The following CNTN5 variants were observed in gnomAD, a reference collection of about 807,000 sequenced individuals.
CNTN5 encodes the protein contactin-5.
CNTN5 carries 77 observed loss-of-function variants against 129.1 expected under a neutral mutation model. That is an observed-to-expected ratio of 0.60 (90% CI 0.50 to 0.72). CNTN5 has a LOEUF of 0.72. Among genes scored for constraint, CNTN5 ranks in the 30% least tolerant of loss-of-function variants. The pLI is 0.00. For missense variants in CNTN5, 1,478 were observed against 1,328.8 expected, an observed-to-expected ratio of 1.11 and a Z score of -1.75; for synonymous variants, 509 against 465.6, an observed-to-expected ratio of 1.09 and a Z score of -1.20.
chr11:100,248,496 G>A (rs1949895349), intron 16 of CNTN5, among the ~76,000 whole-genome samples: 1 of 151,900 alleles, frequency 6.6e-6, no homozygotes, highest in Non-Finnish European at 1.5e-5. Flanking sequence ...GAGTGAGCTA[G>A]GATCATGCCA....
At chr11:99,814,876 G>A (rs1000288535) in intron 3 of CNTN5, among the ~76,000 whole-genome samples, 4 of 152,106 alleles carry the variant, frequency 2.6e-5, no homozygotes, top group Non-Finnish European at 4.4e-5. Context: ...TGTGGCTAGC[G>A]TGGCCTCAGG....
intron 2 of CNTN5, among the ~76,000 whole-genome samples, chr11:99,467,818 A>G (rs984276785): frequency 6.6e-6 from 1 of 152,024 alleles, no homozygotes; most frequent in Non-Finnish European, 1.5e-5. Flanking sequence ...TTTTTATTTA[A>G]CTATATTAAT....
intron 3 of CNTN5, among the ~76,000 whole-genome samples, chr11:99,661,795 G>A (rs1839692656): frequency 6.6e-6 from 1 of 152,040 alleles, no homozygotes; most frequent in African/African-American, 2.4e-5. Context: ...GGAACACATA[G>A]GTTTCAGAGG....
rs368397159 is a variant in CNTN5, at chr11:99,882,909, A to G, written c.578-33145A>G. Among the ~76,000 whole-genome samples the G allele has an allele frequency of 3.2e-4, 48 of 151,910 alleles. 1 individual carries two copies. Among genetic ancestry groups the G allele is most frequent in the African/African-American group, 1.1e-3 (45 of 41,434 alleles). ...TCTGGTAACCATCTTTGTACTCTCTATCTTCATGATTTCAATTGTTTTGAG... is the reference window on the plus strand; with the variant it reads ...TCTGGTAACCATCTTTGTACTCTCTGTCTTCATGATTTCAATTGTTTTGAG... On this transcript the variant is annotated intron_variant, in intron 6 of 24. Coordinates refer to ENST00000524871, the MANE Select transcript of CNTN5 (RefSeq NM_014361.4).
At chr11:99,060,500 TTAAC>T (rs1864830119) in intron 1 of CNTN5, among the ~76,000 whole-genome samples, 1 of 152,076 alleles carries the variant, frequency 6.6e-6, no homozygotes, top group African/African-American at 2.4e-5. Flanking sequence ...TCATTAATAA[TTAAC>T]TAGCTTATTA....
intron 16 of CNTN5, among the ~76,000 whole-genome samples, chr11:100,248,003 A>T (rs1337266703): frequency 6.6e-6 from 1 of 152,022 alleles, no homozygotes; most frequent in African/African-American, 2.4e-5. Context: ...TGGTATTAGG[A>T]TGTGTTTAGG....
At chr11:100,340,764 G>T in intron 22 of CNTN5, 115 bp downstream of exon 22, 1 of 946,396 alleles carries the variant, frequency 1.1e-6, no homozygotes, top group Non-Finnish European at 1.5e-6. Flanking sequence ...TTGATTCATA[G>T]TCTTGCTTCA....
intron 15 of CNTN5, among the ~76,000 whole-genome samples, chr11:100,197,291 C>G (rs984693067): frequency 6.6e-6 from 1 of 151,884 alleles, no homozygotes; most frequent in Admixed American, 6.6e-5. Flanking sequence ...GCACTGATTT[C>G]GGAGCTATAA....
In CNTN5 at chr11:100,019,145, T is replaced by C. The variant is rs1045394029; in HGVS notation, c.980+17009T>C. 2.0e-5 allele frequency among the ~76,000 whole-genome samples: 3 copies of C among 151,940 alleles called. 1 individual carries two copies. In the South Asian group the frequency reaches 6.2e-4, roughly 31 times the overall value. ...TGTCTCAAAAGGTACAAGTTTTAAA[T>C]TTTGATGAAGTCCAAATTTTCAATT... On this transcript the variant is annotated intron_variant, in intron 9 of 24. Coordinates refer to ENST00000524871, the MANE Select transcript of CNTN5 (RefSeq NM_014361.4).
chr11:99,246,813 G>A (rs954671025), intron 1 of CNTN5, among the ~76,000 whole-genome samples: 1 of 152,016 alleles, frequency 6.6e-6, no homozygotes, highest in African/African-American at 2.4e-5. Context: ...TATTGACAAA[G>A]CAAGAATCAT....
intron 3 of CNTN5, among the ~76,000 whole-genome samples, chr11:99,571,284 G>A (rs1008039112): frequency 2.8e-4 from 42 of 152,206 alleles, no homozygotes; most frequent in African/African-American, 9.6e-4. Context: ...AGTCAGTACT[G>A]GTATGAATCT....
At chr11:100,147,589 A>G (rs564379164) in intron 13 of CNTN5, among the ~76,000 whole-genome samples, 4 of 150,748 alleles carry the variant, frequency 2.7e-5, no homozygotes, top group African/African-American at 4.9e-5. Flanking sequence ...CTCCAATTCA[A>G]CTCTGCTAGG....
chr11:99,134,395 C>A (rs1487313963), intron 1 of CNTN5, among the ~76,000 whole-genome samples: 1 of 151,992 alleles, frequency 6.6e-6, no homozygotes. Flanking sequence ...GCACTTGCAC[C>A]CTGGAACATA....
At position 100,357,382 on chromosome 11, in the gene CNTN5, A is replaced by G. The variant is rs1348839803; in HGVS notation, c.*1162A>G. Reference sequence around the variant, plus strand: ...AGGGATTCAGCTAGTCTAGCCAGCTATGCACTGTTTGATTCTGTGGCTTGG... The same window carrying G: ...AGGGATTCAGCTAGTCTAGCCAGCTGTGCACTGTTTGATTCTGTGGCTTGG... On this transcript the variant is annotated 3_prime_UTR_variant, in exon 25 of 25. Transcript: ENST00000524871. The G allele has an allele frequency of 6.6e-6, 1 of 151,760 alleles. No homozygotes were observed. The highest frequency in any genetic ancestry group is 2.4e-5 in the African/African-American group (1 of 41,416). 9.4% of individuals were successfully genotyped at this position (151,760 alleles called of 1,614,324 possible). A position where few individuals can be genotyped will look rare whatever the true frequency, so the allele number is the denominator to read the frequency against.
chr11:100,171,294 C>T (rs957558813), intron 13 of CNTN5, among the ~76,000 whole-genome samples: 7 of 152,018 alleles, frequency 4.6e-5, no homozygotes, highest in African/African-American at 1.7e-4. Context: ...CGGATGCTAT[C>T]TCTGTGACCT....
intron 2 of CNTN5, among the ~76,000 whole-genome samples, chr11:99,338,852 TC>T (rs1866354535): frequency 6.7e-6 from 1 of 149,158 alleles, no homozygotes; most frequent in Admixed American, 6.7e-5. Flanking sequence ...CATTATAACA[TC>T]TTTTTTCTAA....
chr11:99,614,195 C>T (rs1416588646), intron 3 of CNTN5, among the ~76,000 whole-genome samples: 1 of 152,188 alleles, frequency 6.6e-6, no homozygotes, highest in East Asian at 1.9e-4. Flanking sequence ...GTATTACACT[C>T]CTATGTGCTT....
intron 13 of CNTN5, among the ~76,000 whole-genome samples, chr11:100,183,755 CAT>C (rs1565321931): frequency 2.0e-5 from 3 of 152,128 alleles, no homozygotes. Flanking sequence ...ACACTTTAAA[CAT>C]GTGCGATTAT....
At chr11:100,285,574 G>A (rs576108270) in intron 18 of CNTN5, among the ~76,000 whole-genome samples, 75 of 152,320 alleles carry the variant, frequency 4.9e-4, no homozygotes, top group African/African-American at 1.8e-3. Flanking sequence ...AAGGCGAAAG[G>A]AGTAGAGGAA....
Sources: gnomAD v4.1 joint callset for allele counts (sites outside exome capture counted in the v4.1 genomes callset) on GRCh38, gnomAD v4.1.1 for gene constraint, MANE v1.5 for transcripts, NCBI Gene and HGNC (gene_info 2026-07-23, HGNC 2026-07-21) for gene names.